The following SLC25A21 variants were observed in gnomAD, a reference collection of about 807,000 sequenced individuals.
The protein encoded by SLC25A21 is solute carrier family 25 member 21.
Under a neutral mutation model 43.8 loss-of-function variants are expected in SLC25A21, and 47 were observed. The ratio of observed to expected loss-of-function variants is 1.07; its 90% CI spans 0.85 to 1.37. The LOEUF (loss-of-function observed/expected upper bound fraction) is 1.37. SLC25A21 is among the 40% of genes most tolerant of loss of function. The pLI, the probability that SLC25A21 is intolerant of heterozygous loss-of-function variation, is 0.00. For missense variants in SLC25A21, 352 were observed against 350.2 expected (o/e 1.00, Z -0.04); for synonymous variants, 131 against 121.3 (o/e 1.08, Z -0.52).
At chr14:37,148,596 G>A (rs1963707465) in intron 1 of SLC25A21, among the ~76,000 whole-genome samples, 1 of 152,124 alleles carries the variant, frequency 6.6e-6, no homozygotes, top group Admixed American at 6.5e-5. Context: ...TGGTTACATG[G>A]GGATATATAA....
chr14:36,966,736 T>G (rs1007089580), intron 1 of SLC25A21, among the ~76,000 whole-genome samples: 2 of 152,212 alleles, frequency 1.3e-5, no homozygotes, highest in African/African-American at 4.8e-5. Context: ...GGCAGTAGAA[T>G]TCTTTCTTCT....
chr14:36,957,264 A>G lies in SLC25A21; in HGVS notation c.71-82260T>C, dbSNP rs189063692. The stretch of plus-strand genomic sequence containing the variant: ...GATCCAGAGACTCAAGGAAGGGGCA[A>G]TGCAAACCCAGGAAGACCCTAGGGA... On this transcript the variant is annotated intron_variant, in intron 1 of 9. Transcript: ENST00000331299. Among the ~76,000 whole-genome samples the G allele has an allele frequency of 3.2e-3, 480 of 152,302 alleles. 3 individuals are homozygous for G. The highest frequency in any genetic ancestry group is 0.01 in the African/African-American group (428 of 41,574).
intron 1 of SLC25A21, among the ~76,000 whole-genome samples, chr14:36,991,642 A>G (rs1960265878): frequency 6.6e-6 from 1 of 152,236 alleles, no homozygotes; most frequent in Non-Finnish European, 1.5e-5. Context: ...GAAAAGTTAA[A>G]TAACTTGTCC....
At chr14:36,918,021 C>T (rs541410078) in intron 1 of SLC25A21, among the ~76,000 whole-genome samples, 10 of 152,192 alleles carry the variant, frequency 6.6e-5, no homozygotes, top group South Asian at 4.1e-4. Flanking sequence ...TCTTTGTATA[C>T]GCATATCTAC....
chr14:37,013,702 C>A (rs1302413359), intron 1 of SLC25A21, among the ~76,000 whole-genome samples: 1 of 152,124 alleles, frequency 6.6e-6, no homozygotes, highest in Non-Finnish European at 1.5e-5. Context: ...TGTCATAAGT[C>A]ATCCAGTAAC....
At chr14:36,729,459 T>C (rs2139219470) in intron 5 of SLC25A21, 48 bp downstream of exon 5, 1 of 1,408,406 alleles carries the variant, frequency 7.1e-7, no homozygotes. Flanking sequence ...TAGATTTTGC[T>C]TTATGAAATA....
At position 36,776,961 on chromosome 14, in the gene SLC25A21, C is replaced by A. The variant is rs538022418; in HGVS notation, c.203+36957G>T. ...GATCTGCCAATTATCCCCTTTCTCA[C>A]ATAAAACCTAGCTTAAGGCTGGGCG... On this transcript the variant is annotated intron_variant, in intron 3 of 9. Coordinates refer to ENST00000331299, the MANE Select transcript of SLC25A21 (RefSeq NM_030631.4). Among the ~76,000 whole-genome samples, 3 of 152,222 alleles carry A rather than the reference C, an allele frequency of 2.0e-5. No homozygotes were observed. The South Asian group carries it at 6.2e-4, about 32-fold the overall frequency.
At chr14:37,021,436 A>G (rs1328423950) in intron 1 of SLC25A21, among the ~76,000 whole-genome samples, 1 of 151,996 alleles carries the variant, frequency 6.6e-6, no homozygotes, top group African/African-American at 2.4e-5. Flanking sequence ...AAAAGTTAAA[A>G]GACAATTGCT....
intron 2 of SLC25A21, among the ~76,000 whole-genome samples, chr14:36,834,074 A>G (rs1034188579): frequency 7.2e-5 from 11 of 152,308 alleles, no homozygotes; most frequent in South Asian, 4.1e-4. Flanking sequence ...TTAAAACGCT[A>G]TAAGTGAAGG....
chr14:36,852,809 T>C (rs1034784602), intron 2 of SLC25A21, among the ~76,000 whole-genome samples: 5 of 151,890 alleles, frequency 3.3e-5, no homozygotes, highest in African/African-American at 9.7e-5. Flanking sequence ...CAGCTGACCA[T>C]ATTTAGGTTT....
intron 1 of SLC25A21, among the ~76,000 whole-genome samples, chr14:37,026,501 A>C (rs1341037860): frequency 3.3e-5 from 5 of 152,156 alleles, no homozygotes; most frequent in African/African-American, 9.7e-5. Flanking sequence ...TAAATAAACA[A>C]TGAGATTAGA....
At chr14:37,028,685 T>C (rs957741590) in intron 1 of SLC25A21, among the ~76,000 whole-genome samples, 7 of 152,182 alleles carry the variant, frequency 4.6e-5, no homozygotes, top group African/African-American at 1.7e-4. Flanking sequence ...GAACAACAAA[T>C]ATTGAAATTA....
intron 3 of SLC25A21, among the ~76,000 whole-genome samples, chr14:36,735,430 T>G (rs561412675): frequency 4.9e-4 from 74 of 152,308 alleles, no homozygotes; most frequent in African/African-American, 1.7e-3. Context: ...AAGAGAATAT[T>G]ATGCATTATT....
intron 1 of SLC25A21, among the ~76,000 whole-genome samples, chr14:37,028,047 C>T (rs1594758662): frequency 6.6e-6 from 1 of 152,010 alleles, no homozygotes; most frequent in Non-Finnish European, 1.5e-5. Context: ...AATATTTTAA[C>T]TTTAAAATGC....
chr14:37,011,821 T>C (rs1179707778), intron 1 of SLC25A21, among the ~76,000 whole-genome samples: 5 of 152,212 alleles, frequency 3.3e-5, no homozygotes, highest in Non-Finnish European at 4.4e-5. Context: ...ATTTTTACAT[T>C]GGCTAGAGCA....
intron 1 of SLC25A21, among the ~76,000 whole-genome samples, chr14:36,981,744 G>A (rs1290709084): frequency 1.3e-5 from 2 of 152,072 alleles, no homozygotes; most frequent in Non-Finnish European, 2.9e-5. Context: ...TGTAAATGAC[G>A]AGTTAATGGG....
Position 37,073,531 on chromosome 14 carries a change from G to T in SLC25A21, c.70+98750C>A, listed in dbSNP as rs1205324386. Among the ~76,000 whole-genome samples the T allele has an allele frequency of 2.0e-5, 3 of 152,132 alleles. No individual in the cohort carries two copies. The East Asian group carries it at 5.8e-4, about 29-fold the overall frequency. ...GCCTGCCTGGGTCTTCATTCTTTAT[G>T]AGGACTCCTGTGCCAAGTAAAATCT... On this transcript the variant is annotated intron_variant, in intron 1 of 9. Coordinates refer to ENST00000331299, the MANE Select transcript of SLC25A21 (RefSeq NM_030631.4).
chr14:37,008,803 A>G (rs927484362), intron 1 of SLC25A21, among the ~76,000 whole-genome samples: 4 of 152,184 alleles, frequency 2.6e-5, no homozygotes, highest in Non-Finnish European at 4.4e-5. Flanking sequence ...CTTATAGTGA[A>G]GTTAAATAAA....
chr14:37,085,562 T>C (rs1962468234), intron 1 of SLC25A21, among the ~76,000 whole-genome samples: 1 of 152,246 alleles, frequency 6.6e-6, no homozygotes, highest in African/African-American at 2.4e-5. Flanking sequence ...ATGGACATTG[T>C]ATTCTGCTAG....
Sources: allele counts gnomAD v4.1 joint callset (sites outside exome capture counted in the v4.1 genomes callset), GRCh38; gene constraint gnomAD v4.1.1; transcripts MANE v1.5; gene names NCBI Gene and HGNC (gene_info 2026-07-23, HGNC 2026-07-21).